Variants in IRX4 observed in about 807,000 individuals in gnomAD.
The protein encoded by IRX4 is iroquois-class homeodomain protein IRX-4.
Under a neutral mutation model 32.0 loss-of-function variants are expected in IRX4, and 22 were observed. The observed-to-expected ratio is 0.69, with a 90% CI of 0.49 to 0.98. The LOEUF (loss-of-function observed/expected upper bound fraction) is 0.98. Among genes scored for constraint, IRX4 ranks in the 50% least tolerant of loss-of-function variants. The pLI, the probability that IRX4 is intolerant of heterozygous loss-of-function variation, is 0.00. For missense variants in IRX4, 840 were observed against 744.2 expected (o/e 1.13, Z -1.50); for synonymous variants, 379 against 351.7 (o/e 1.08, Z -0.87).
At chr5:1,881,780 G>A (rs1735449166) in intron 2 of IRX4, 28 bp downstream of exon 2, 1 of 1,564,322 alleles carries the variant, frequency 6.4e-7, no homozygotes, top group Non-Finnish European at 8.7e-7. Context: ...GCCAGGGGCA[G>A]GGCAAGGGCT....
intron 4 of IRX4, among the ~76,000 whole-genome samples, chr5:1,879,136 C>T (rs191500969): frequency 3.1e-3 from 470 of 152,148 alleles, no homozygotes; most frequent in African/African-American, 0.011. Context: ...GGACTACAGG[C>T]GCCCGCCACC....
At chr5:1,879,460 T>G (rs199897988) in intron 4 of IRX4, 44 bp downstream of exon 4, 400 of 1,612,428 alleles carry the variant, frequency 2.5e-4, no homozygotes, top group Non-Finnish European at 3.1e-4. Context: ...GCACTGTGCC[T>G]GCACTCCAGG....
At chr5:1,884,278 C>A (rs1018400842), upstream of IRX4, 1 of 152,284 alleles carries the variant, frequency 6.6e-6, no homozygotes, top group African/African-American at 2.4e-5. Context: ...CAGAAAGATT[C>A]CTGGGTTCAG....
chr5:1,882,171 C>T, intron 1 of IRX4, 112 bp from the exon 2 acceptor site: 1 of 1,286,968 alleles, frequency 7.8e-7, no homozygotes, highest in Non-Finnish European at 1.0e-6. Context: ...ACCCCCGGGC[C>T]TCCCGCCGTC....
chr5:1,879,945 C>A, intron 3 of IRX4, 113 bp from the exon 4 acceptor site: 1 of 1,527,058 alleles, frequency 6.5e-7, no homozygotes, highest in East Asian at 2.4e-5. Context: ...GCTTCCCCGT[C>A]GTGGGGTTGT....
At chr5:1,885,568 G>A (rs563198103), upstream of IRX4, among the ~76,000 whole-genome samples, 81 of 152,130 alleles carry the variant, frequency 5.3e-4, no homozygotes, top group African/African-American at 1.9e-3. Flanking sequence ...GCCTCGGGAA[G>A]CTCGCAACTG....
At position 1,877,680 on chromosome 5, in the gene IRX4, C is replaced by T. The variant is rs1030233203; in HGVS notation, c.*289G>A. 2 of 434,816 alleles carry T rather than the reference C, an allele frequency of 4.6e-6. No homozygotes were observed. The highest frequency in any genetic ancestry group is 4.0e-5 in the East Asian group (1 of 24,724). The allele number at this position is 434,816 out of a possible 1,614,324, so 26.9% of individuals were successfully genotyped here. On this transcript the variant is annotated 3_prime_UTR_variant, in exon 5 of 5. Transcript: ENST00000231357. The stretch of plus-strand genomic sequence containing the variant: ...CCGCCTTCTCCATGTAAACTTTTGA[C>T]GTAAACTTTATGCTTCAGGGTATCT...
chr5:1,884,619 T>C (rs1476896581), upstream of IRX4: 1 of 152,166 alleles, frequency 6.6e-6, no homozygotes, highest in East Asian at 1.9e-4. Context: ...CCGCGAGAAA[T>C]ATATAAAGAA....
At chr5:1,885,942 G>A (rs1320261696), upstream of IRX4, among the ~76,000 whole-genome samples, 1 of 152,246 alleles carries the variant, frequency 6.6e-6, no homozygotes, top group Non-Finnish European at 1.5e-5. Flanking sequence ...ACACCCGTGA[G>A]CAGGTGGGCC....
In IRX4 at chr5:1,877,664, C is replaced by T; in HGVS notation, c.*305G>A. On this transcript the variant is annotated 3_prime_UTR_variant, in exon 5 of 5. Coordinates refer to ENST00000231357, the MANE Select transcript of IRX4 (RefSeq NM_016358.3). ...ACGCTTCAGAACGGAACCGCCTTCT[C>T]CATGTAAACTTTTGACGTAAACTTT... The T allele has an allele frequency of 2.5e-6, 1 of 402,998 alleles. No homozygotes were observed. Among genetic ancestry groups the T allele is most frequent in the Non-Finnish European group, 4.4e-6 (1 of 227,568 alleles). 25.0% of individuals were successfully genotyped at this position (402,998 alleles called of 1,614,324 possible).
rs993179192 is a variant in IRX4 at position 1,877,766 on chromosome 5, G to C, written c.*203C>G. The C allele has an allele frequency of 1.8e-6, 1 of 560,792 alleles. No homozygotes were observed. Among genetic ancestry groups the C allele is most frequent in the African/African-American group, 2.0e-5 (1 of 49,706 alleles). The allele number at this position is 560,792 out of a possible 1,614,324, so 34.7% of individuals were successfully genotyped here. A position where few individuals can be genotyped will look rare whatever the true frequency, so the allele number is the denominator to read the frequency against. ...CCCAAATTTGGGAATGGCCCGGTCA[G>C]GCTCAGGCCCAGGCGGTGGAGGCCC... On this transcript the variant is annotated 3_prime_UTR_variant, in exon 5 of 5. Transcript: ENST00000231357.
In IRX4 at chr5:1,877,987, G is replaced by A. The variant is rs766821642; in HGVS notation, c.1542C>T (p.Gly514=). ...GCCCGCCTCAGGCGCAGAAGGGTTT[G>A]CCGCCGGCCTTGGGCAGGGCGAGCA... is the stretch of plus-strand genomic sequence containing the variant. ...RELLALPKAG[G]KPFCA The change falls in exon 5 of 5, where the codon GGC becomes GGT. Residue 514 remains glycine, a synonymous_variant. Coordinates refer to ENST00000231357, the MANE Select transcript of IRX4 (RefSeq NM_016358.3). The A allele has an allele frequency of 1.3e-6, 2 of 1,503,004 alleles. No homozygotes were observed. Among genetic ancestry groups the A allele is most frequent in the African/African-American group, 2.9e-5 (2 of 69,552 alleles). 93.1% of individuals were successfully genotyped at this position (1,503,004 alleles called of 1,614,324 possible).
At chr5:1,880,974 C>A in intron 2 of IRX4, 140 bp from the exon 3 acceptor site, 1 of 697,642 alleles carries the variant, frequency 1.4e-6, no homozygotes, top group Admixed American at 2.1e-5. Flanking sequence ...GAGCTGATTT[C>A]CCGCTTGCTT....
intron 4 of IRX4, among the ~76,000 whole-genome samples, chr5:1,879,041 G>C (rs1464160768): frequency 6.6e-6 from 1 of 151,406 alleles, no homozygotes; most frequent in Non-Finnish European, 1.5e-5. Flanking sequence ...GCCCAGGCTG[G>C]AGTGCAGTGG....
Position 1,879,780 on chromosome 5 carries a change from T to A in IRX4, c.460A>T (p.Thr154Ser). 6.2e-7 allele frequency: 1 copy of A among 1,614,128 alleles called. No individual in the cohort carries two copies. The highest frequency in any genetic ancestry group is 8.5e-7 in the Non-Finnish European group (1 of 1,180,024). The part of the protein sequence containing the change: ...TRRKNATRET[T>S]STLKAWLQEH... ...TGCAGCCAGGCCTTGAGCGTGCTGG[T>A]GGTCTCGCGCGTGGCGTTCTTGCGC... Residue 154 changes from threonine (T) to serine (S), a missense_variant, in exon 4 of 5, where the codon ACC becomes TCC. This residue lies in a region of IRX4 where 241 missense variants were observed against 220.8 expected (regional missense o/e 1.09). Transcript: ENST00000231357.
chr5:1,883,423 G>C (rs982823917), upstream of IRX4, among the ~76,000 whole-genome samples: 1 of 151,912 alleles, frequency 6.6e-6, no homozygotes, highest in Non-Finnish European at 1.5e-5. Context: ...CACGCGTCTC[G>C]TCACTATTGT....
rs1300564616 is a variant in IRX4 at position 1,880,101 on chromosome 5, C to G, written c.408-269G>C. ...GGCTCCTTCCCAAGCCAGAGAGGTC[C>G]AGGCCAATTCCTTTATGGGGATGAC... On this transcript the variant is annotated intron_variant, in intron 3 of 4. Transcript: ENST00000231357. The G allele has an allele frequency of 2.6e-6, 4 of 1,535,638 alleles. No homozygotes were observed. The East Asian group carries it at 9.8e-5, about 38-fold the overall frequency.
At chr5:1,881,707 T>A in intron 2 of IRX4, 101 bp downstream of exon 2, 2 of 1,437,676 alleles carry the variant, frequency 1.4e-6, no homozygotes, top group Admixed American at 2.0e-5. Flanking sequence ...CTCCCCTCTG[T>A]GACAGTCCGG....
In IRX4 at chr5:1,878,577, C is replaced by T. The variant is rs1434287748; in HGVS notation, c.952G>A (p.Glu318Lys). 3 of 1,548,560 alleles carry T rather than the reference C, an allele frequency of 1.9e-6. No homozygotes were observed. The highest frequency in any genetic ancestry group is 4.9e-5 in the East Asian group (2 of 40,940). Residue 318 changes from glutamate to lysine, a missense_variant, in exon 5 of 5, where the codon GAG (glutamate) becomes AAG (lysine). This residue lies in a region of IRX4 where 585 missense variants were observed against 488.0 expected (regional missense o/e 1.20). Coordinates refer to ENST00000231357, the MANE Select transcript of IRX4 (RefSeq NM_016358.3). ...LAAGGGAALD[E>K]DLERARSCLR... The stretch of plus-strand genomic sequence containing the variant: ...CAGCTCCGGGCCCTCTCCAGGTCCT[C>T]GTCCAGAGCAGCTCCGCCACCCGCG...
Sources: gnomAD v4.1 joint callset for allele counts (sites outside exome capture counted in the v4.1 genomes callset) on GRCh38, gnomAD v4.1.1 for gene constraint, gnomAD v4.1.1 regional missense constraint, MANE v1.5 for transcripts, NCBI Gene and HGNC (gene_info 2026-07-23, HGNC 2026-07-21) for gene names.